The following CRPPA variants were observed in gnomAD, a reference collection of about 807,000 sequenced individuals.
CRPPA encodes D-ribitol-5-phosphate cytidylyltransferase.
Under a neutral mutation model 52.0 loss-of-function variants are expected in CRPPA, and 43 were observed. That is an observed-to-expected ratio of 0.83 (90% CI 0.65 to 1.07). The LOEUF (loss-of-function observed/expected upper bound fraction) is 1.07. CRPPA is among the 50% of genes least tolerant of loss of function. The pLI, the probability that CRPPA is intolerant of heterozygous loss-of-function variation, is 0.00. For synonymous variants in CRPPA, 250 were observed against 203.5 expected, an observed-to-expected ratio of 1.23 and a Z score of -1.94; for missense variants, 629 against 551.7, an observed-to-expected ratio of 1.14 and a Z score of -1.40.
Position 16,233,310 on chromosome 7 carries a change from T to C in CRPPA, c.1120-17113A>G, listed in dbSNP as rs565865328. The stretch of plus-strand genomic sequence containing the variant: ...GAAGACATTCCTAATTGAATGAAAA[T>C]GTTAAAACCACATATCAACACATCT... On this transcript the variant is annotated intron_variant, in intron 8 of 9. Coordinates refer to ENST00000407010, the MANE Select transcript of CRPPA (RefSeq NM_001101426.4). Among the ~76,000 whole-genome samples the C allele has an allele frequency of 1.8e-4, 27 of 152,096 alleles. No individual in the cohort carries two copies. The South Asian group carries it at 5.4e-3, about 30-fold the overall frequency.
intron 8 of CRPPA, chr7:16,248,158 G>C (rs578118101): frequency 2.6e-5 from 4 of 152,130 alleles, no homozygotes; most frequent in Admixed American, 1.3e-4. Context: ...AACAAAGTGA[G>C]ACCCCATCTC....
intron 9 of CRPPA, among the ~76,000 whole-genome samples, chr7:16,186,519 T>C (rs950791569): frequency 2.0e-5 from 3 of 152,128 alleles, no homozygotes; most frequent in African/African-American, 4.8e-5. Flanking sequence ...ACCTAATCTA[T>C]GGAAATTTGT....
intron 8 of CRPPA, among the ~76,000 whole-genome samples, chr7:16,240,437 TA>T (rs1475477419): frequency 6.6e-6 from 1 of 151,856 alleles, no homozygotes; most frequent in Admixed American, 6.6e-5. Flanking sequence ...ATTCAGTATA[TA>T]ATAAAGCTAT....
At chr7:16,112,548 C>T (rs1358354243) in intron 9 of CRPPA, among the ~76,000 whole-genome samples, 2 of 152,100 alleles carry the variant, frequency 1.3e-5, no homozygotes, top group Non-Finnish European at 2.9e-5. Flanking sequence ...ACAAGAATGA[C>T]TGATGTGTAA....
chr7:16,202,416 A>T (rs1247299325), intron 9 of CRPPA, among the ~76,000 whole-genome samples: 1 of 152,206 alleles, frequency 6.6e-6, no homozygotes. Context: ...TATACAGCTT[A>T]TAAGTGTTTG....
chr7:16,242,779 T>A (rs79140626), intron 8 of CRPPA, among the ~76,000 whole-genome samples: 3,476 of 152,130 alleles, frequency 0.023, 115 homozygotes, highest in African/African-American at 0.079. Flanking sequence ...TAAAAAAAAA[T>A]TTTTTTCACC....
intron 2 of CRPPA, among the ~76,000 whole-genome samples, chr7:16,395,029 T>G (rs1385832238): frequency 2.6e-5 from 4 of 152,178 alleles, no homozygotes; most frequent in Non-Finnish European, 4.4e-5. Flanking sequence ...AGTATCAAAA[T>G]TATGACAAGT....
intron 4 of CRPPA, among the ~76,000 whole-genome samples, chr7:16,307,673 C>CAAA (rs55682769): frequency 5.6e-4 from 25 of 44,340 alleles, no homozygotes; most frequent in Admixed American, 1.9e-3. Context: ...GAAACTCTGT[C>CAAA]AAAAAAAAAA....
chr7:16,278,237 A>T lies in CRPPA; in HGVS notation c.836-11T>A. 1 of 1,415,664 alleles carries T rather than the reference A, an allele frequency of 7.1e-7. No individual in the cohort carries two copies. Among genetic ancestry groups the T allele is most frequent in the Non-Finnish European group, 9.7e-7 (1 of 1,033,956 alleles). 87.7% of individuals were successfully genotyped at this position (1,415,664 alleles called of 1,614,324 possible). A position where few individuals can be genotyped will look rare whatever the true frequency, so the allele number is the denominator to read the frequency against. On this transcript the variant is annotated splice_polypyrimidine_tract_variant and intron_variant, in intron 5 of 9. Coordinates refer to ENST00000407010, the MANE Select transcript of CRPPA (RefSeq NM_001101426.4). The stretch of plus-strand genomic sequence containing the variant: ...CTTGGGAAATTCTCTCTGAAATTAA[A>T]AAAAAAAAGTTTTAAGTTTCAAACA...
chr7:16,136,862 A>T (rs1488113476), intron 9 of CRPPA, among the ~76,000 whole-genome samples: 1 of 150,146 alleles, frequency 6.7e-6, no homozygotes, highest in Non-Finnish European at 1.5e-5. Flanking sequence ...TTATGTCTAG[A>T]TTATGATATC....
intron 9 of CRPPA, among the ~76,000 whole-genome samples, chr7:16,094,282 T>G (rs978240508): frequency 9.2e-5 from 14 of 152,128 alleles, no homozygotes; most frequent in African/African-American, 3.4e-4. Context: ...TCTACCCTTA[T>G]GAAACATGGA....
chr7:16,379,555 C>G (rs1787014695), intron 2 of CRPPA, among the ~76,000 whole-genome samples: 3 of 152,168 alleles, frequency 2.0e-5, no homozygotes, highest in South Asian at 4.1e-4. Context: ...ATGGGGATGG[C>G]ATTGAATCTA....
intron 9 of CRPPA, among the ~76,000 whole-genome samples, chr7:16,168,721 G>T (rs1781117685): frequency 6.6e-6 from 1 of 152,016 alleles, no homozygotes; most frequent in Non-Finnish European, 1.5e-5. Context: ...AAACTCAATG[G>T]CTGTACAAAT....
At chr7:16,354,382 T>C (rs1445994746) in intron 3 of CRPPA, among the ~76,000 whole-genome samples, 1 of 152,164 alleles carries the variant, frequency 6.6e-6, no homozygotes, top group Non-Finnish European at 1.5e-5. Context: ...AGGGCATTTA[T>C]GCACTCCACA....
intron 9 of CRPPA, among the ~76,000 whole-genome samples, chr7:16,117,403 A>T (rs1429143112): frequency 6.6e-6 from 1 of 152,080 alleles, no homozygotes. Context: ...TCCTTCAGGC[A>T]TTTGCTTTTC....
chr7:16,111,288 G>T (rs2128367063), intron 9 of CRPPA, among the ~76,000 whole-genome samples: 1 of 152,182 alleles, frequency 6.6e-6, no homozygotes, highest in East Asian at 1.9e-4. Context: ...AGAAATGTTG[G>T]CAGGATGTGA....
At chr7:16,311,769 C>A (rs972432581) in intron 3 of CRPPA, among the ~76,000 whole-genome samples, 1 of 151,982 alleles carries the variant, frequency 6.6e-6, no homozygotes, top group African/African-American at 2.4e-5. Context: ...TAGGTCTGAT[C>A]CATTTTGAGT....
At chr7:16,322,783 C>G (rs375972736) in intron 3 of CRPPA, among the ~76,000 whole-genome samples, 31 of 152,180 alleles carry the variant, frequency 2.0e-4, no homozygotes, top group African/African-American at 7.5e-4. Flanking sequence ...AACAGTGTAT[C>G]AGTCCGTTCT....
chr7:16,192,672 TGTTG>T (rs1781639335), intron 9 of CRPPA, among the ~76,000 whole-genome samples: 1 of 152,156 alleles, frequency 6.6e-6, no homozygotes, highest in South Asian at 2.1e-4. Context: ...GATTCAACTT[TGTTG>T]TCGTATGTCT....
Sources: gnomAD v4.1 joint callset for allele counts (sites outside exome capture counted in the v4.1 genomes callset) on GRCh38, gnomAD v4.1.1 for gene constraint, MANE v1.5 for transcripts, NCBI Gene and HGNC (gene_info 2026-07-23, HGNC 2026-07-21) for gene names.